Variants in FABP7 observed in about 807,000 individuals in gnomAD.
FABP7 encodes the protein fatty acid-binding protein, brain.
A neutral mutation model predicts 14.2 loss-of-function variants in FABP7; 13 were observed. That is an observed-to-expected ratio of 0.91 (90% CI 0.59 to 1.45). The LOEUF (loss-of-function observed/expected upper bound fraction) is 1.45, where lower values mean the gene tolerates loss of function less well. Ranked by LOEUF, FABP7 falls within the 40% of genes most tolerant of loss-of-function variation. The probability of loss-of-function intolerance (pLI) is 0.00; values close to 1 mark genes in which losing one functional copy is unlikely to be tolerated. For synonymous variants in FABP7, 49 were observed against 51.4 expected, an observed-to-expected ratio of 0.95 and a Z score of 0.20; for missense variants, 149 against 157.6, an observed-to-expected ratio of 0.95 and a Z score of 0.29.
chr6:122,752,893 G>C, the FABP7 span, among the ~76,000 whole-genome samples: 1 of 152,096 alleles, frequency 6.6e-6, no homozygotes, highest in Non-Finnish European at 1.5e-5. Flanking sequence ...GCTTGCATAG[G>C]GTTAGTGGTC....
At chr6:122,764,724 A>G in the FABP7 span, among the ~76,000 whole-genome samples, 1 of 152,010 alleles carries the variant, frequency 6.6e-6, no homozygotes, top group Non-Finnish European at 1.5e-5. Context: ...CACATGCAAG[A>G]CCCTTCCCTT....
the FABP7 span, among the ~76,000 whole-genome samples, chr6:122,772,283 A>G: frequency 1.3e-5 from 2 of 152,142 alleles, no homozygotes; most frequent in Non-Finnish European, 2.9e-5. Flanking sequence ...TTCTCTCCTC[A>G]GTCACTATGT....
At chr6:122,757,319 T>C in the FABP7 span, among the ~76,000 whole-genome samples, 1 of 152,180 alleles carries the variant, frequency 6.6e-6, no homozygotes, top group Non-Finnish European at 1.5e-5. Flanking sequence ...GTACTCTTTC[T>C]TGACACCTCA....
chr6:122,783,654 C>T, intron 3 of FABP7, 63 bp from the exon 4 acceptor site: 1 of 1,546,966 alleles, frequency 6.5e-7, no homozygotes, highest in Non-Finnish European at 8.7e-7. Context: ...ATATGATGAT[C>T]TTTAAAATTC....
upstream of FABP7, among the ~76,000 whole-genome samples, chr6:122,776,484 G>A (rs1411443504): frequency 2.0e-5 from 3 of 152,152 alleles, no homozygotes; most frequent in African/African-American, 7.2e-5. Context: ...CATGAAAGTA[G>A]TGAATAGAAT....
chr6:122,782,944 A>T (rs1780830885), intron 3 of FABP7: 1 of 985,252 alleles, frequency 1.0e-6, no homozygotes, highest in South Asian at 4.7e-5. Flanking sequence ...ATTTTTTCCC[A>T]GAACACAGAA....
chr6:122,779,762 C>G lies in FABP7; in HGVS notation c.-33C>G. The G allele has an allele frequency of 1.2e-6, 2 of 1,608,954 alleles. No homozygotes were observed. Among genetic ancestry groups the G allele is most frequent in the Non-Finnish European group, 1.7e-6 (2 of 1,175,774 alleles). On this transcript the variant is annotated 5_prime_UTR_variant, in exon 1 of 4. Transcript: ENST00000368444. ...AGTGGCAATTAGACCAGAAGATCCC[C>G]GCTCCTGTCTCTAAAGAGGGGAAAG...
chr6:122,769,529 G>A, the FABP7 span, among the ~76,000 whole-genome samples: 1 of 152,052 alleles, frequency 6.6e-6, no homozygotes, highest in Non-Finnish European at 1.5e-5. Flanking sequence ...ACGTACTGGA[G>A]AGGCAGAAAT....
At chr6:122,777,814 G>A (rs1407971671), upstream of FABP7, among the ~76,000 whole-genome samples, 1 of 139,636 alleles carries the variant, frequency 7.2e-6, no homozygotes, top group Admixed American at 8.2e-5. Flanking sequence ...CTGCACTCCA[G>A]CCTGGGTGAG....
chr6:122,767,070 T>C, the FABP7 span, among the ~76,000 whole-genome samples: 1 of 152,030 alleles, frequency 6.6e-6, no homozygotes, highest in Non-Finnish European at 1.5e-5. Flanking sequence ...AGAAAAGCCC[T>C]GCAGGGGAAA....
the FABP7 span, among the ~76,000 whole-genome samples, chr6:122,762,582 G>T: frequency 6.6e-6 from 1 of 152,300 alleles, no homozygotes; most frequent in East Asian, 1.9e-4. Flanking sequence ...ATTCAGTTAG[G>T]AAAAGAGGAA....
At chr6:122,782,251 T>A in intron 3 of FABP7, 1 of 926,626 alleles carries the variant, frequency 1.1e-6, no homozygotes, top group Non-Finnish European at 1.3e-6. Context: ...ACCACAAACT[T>A]GGTGGCTTAA....
chr6:122,779,212 T>C (rs1023477952), upstream of FABP7, among the ~76,000 whole-genome samples: 3 of 152,168 alleles, frequency 2.0e-5, no homozygotes, highest in Non-Finnish European at 2.9e-5. Context: ...TCGCTCTCCC[T>C]GTAACTATGA....
chr6:122,776,677 T>A (rs912281154), upstream of FABP7, among the ~76,000 whole-genome samples: 1 of 152,150 alleles, frequency 6.6e-6, no homozygotes, highest in African/African-American at 2.4e-5. Context: ...ATATTTAGAA[T>A]GTTCCCAACA....
At chr6:122,779,367 T>C (rs1780724311), upstream of FABP7, 1 of 170,060 alleles carries the variant, frequency 5.9e-6, no homozygotes, top group Non-Finnish European at 1.3e-5. Context: ...CTTTTTTCTT[T>C]CCTTGCAGTC....
At chr6:122,771,113 C>T in the FABP7 span, among the ~76,000 whole-genome samples, 1 of 152,182 alleles carries the variant, frequency 6.6e-6, no homozygotes, top group Non-Finnish European at 1.5e-5. Context: ...TAGGCAACAA[C>T]TAGCAGGATA....
intron 3 of FABP7, 135 bp downstream of exon 3, chr6:122,781,329 G>A (rs745383326): frequency 1.3e-5 from 20 of 1,537,266 alleles, no homozygotes; most frequent in Non-Finnish European, 1.8e-5. Flanking sequence ...CACTGGCAAG[G>A]TTCTTTAACT....
the FABP7 span, among the ~76,000 whole-genome samples, chr6:122,769,366 AATGAT>A: frequency 1.3e-5 from 2 of 152,146 alleles, no homozygotes; most frequent in Admixed American, 1.3e-4. Context: ...ATAATTTATA[AATGAT>A]ATATTTGTAA....
chr6:122,765,654 T>C, the FABP7 span, among the ~76,000 whole-genome samples: 1 of 152,106 alleles, frequency 6.6e-6, no homozygotes, highest in South Asian at 2.1e-4. Context: ...TTGATCTGAT[T>C]CCTTCTATTT....
Sources: gnomAD v4.1 joint callset for allele counts (sites outside exome capture counted in the v4.1 genomes callset) on GRCh38, gnomAD v4.1.1 for gene constraint, MANE v1.5 for transcripts, NCBI Gene and HGNC (gene_info 2026-07-23, HGNC 2026-07-21) for gene names.